FRK: variants seen among roughly 807,000 people sequenced by gnomAD.
FRK encodes tyrosine-protein kinase FRK.
FRK carries 51 observed loss-of-function variants against 56.4 expected under a neutral mutation model. The ratio of observed to expected loss-of-function variants is 0.90; its 90% CI spans 0.72 to 1.14. FRK has a LOEUF of 1.14. Among genes scored for constraint, FRK ranks in the 50% most tolerant of loss-of-function variants. The pLI is 0.00. For missense variants in FRK, 570 were observed against 601.4 expected (o/e 0.95, Z 0.55); for synonymous variants, 245 against 217.9 (o/e 1.12, Z -1.10).
At position 116,060,022 on chromosome 6, in the gene FRK, T is replaced by G. The variant is rs1185817390; in HGVS notation, c.290A>C (p.Gln97Pro). 1.2e-6 allele frequency: 2 copies of G among 1,614,046 alleles called. No homozygotes were observed. The highest frequency in any genetic ancestry group is 2.7e-5 in the African/African-American group (2 of 74,906). The change falls in exon 1 of 8, where the codon CAA becomes CCA. Residue 97 changes from glutamine (Q) to proline (P), a missense_variant. Physicochemically the swap from Gln to Pro is moderately conservative, Grantham distance 76. Transcript: ENST00000606080. ...CACGTAGTTAGAAGGAATATAGCCT[T>G]GTAGTTGCTGACTGGAGCCATCTCG... ...KRRDGSSQQL[Q>P]GYIPSNYVAE...
In FRK at chr6:115,933,322, A is replaced by G. The variant is rs924933502; in HGVS notation, c.*9092T>C. 1 of 152,230 alleles carries G rather than the reference A, an allele frequency of 6.6e-6. No homozygotes were observed. The highest frequency in any genetic ancestry group is 6.5e-5 in the Admixed American group (1 of 15,274). The allele number at this position is 152,230 out of a possible 1,614,324, so 9.4% of individuals were successfully genotyped here. ...ACAATTTATGGGAGGTAAATTTAAG[A>G]AGAGCTGGCTCATTGTAGGAAAATT... is the stretch of plus-strand genomic sequence containing the variant. On this transcript the variant is annotated 3_prime_UTR_variant, in exon 8 of 8. Transcript: ENST00000606080.
chr6:116,048,043 C>T (rs187000058), intron 1 of FRK, among the ~76,000 whole-genome samples: 1 of 152,330 alleles, frequency 6.6e-6, no homozygotes, highest in East Asian at 1.9e-4. Flanking sequence ...TGATCTTTGC[C>T]TCATTGCTCC....
chr6:115,979,602 C>T (rs1339635041), intron 2 of FRK, among the ~76,000 whole-genome samples: 1 of 152,034 alleles, frequency 6.6e-6, no homozygotes, highest in Non-Finnish European at 1.5e-5. Flanking sequence ...ACATCACAGG[C>T]CTTCACATTG....
At chr6:116,093,357 C>T in the FRK span, among the ~76,000 whole-genome samples, 3 of 152,194 alleles carry the variant, frequency 2.0e-5, no homozygotes, top group African/African-American at 7.2e-5. Context: ...TGATTTAAAG[C>T]AGATCAAGGT....
At chr6:115,984,177 T>A (rs1275288597) in intron 2 of FRK, among the ~76,000 whole-genome samples, 2 of 152,094 alleles carry the variant, frequency 1.3e-5, no homozygotes, top group East Asian at 3.9e-4. Flanking sequence ...ATTGAATTCA[T>A]TCCACATCAT....
rs1418175504 is a variant in FRK at position 115,935,765 on chromosome 6, C to T, written c.*6649G>A. ...AATTGGGTAGAGCCCACCACCTCAG[C>T]TCAGCAAGGCCACTCTGGCCAGACT... is the stretch of plus-strand genomic sequence containing the variant. On this transcript the variant is annotated 3_prime_UTR_variant, in exon 8 of 8. Coordinates refer to ENST00000606080, the MANE Select transcript of FRK (RefSeq NM_002031.3). 1 of 152,314 alleles carries T rather than the reference C, an allele frequency of 6.6e-6. No individual in the cohort carries two copies. Among genetic ancestry groups the T allele is most frequent in the Non-Finnish European group, 1.5e-5 (1 of 68,144 alleles). 9.4% of individuals were successfully genotyped at this position (152,314 alleles called of 1,614,324 possible).
intron 1 of FRK, among the ~76,000 whole-genome samples, chr6:116,032,515 A>C (rs1294719132): frequency 6.6e-6 from 1 of 152,136 alleles, no homozygotes; most frequent in Non-Finnish European, 1.5e-5. Flanking sequence ...AATAATACAG[A>C]ATTTGAAGAG....
the FRK span, among the ~76,000 whole-genome samples, chr6:116,096,289 G>A: frequency 1.3e-5 from 2 of 152,182 alleles, no homozygotes; most frequent in African/African-American, 2.4e-5. Flanking sequence ...AACAGCAGTT[G>A]GGGTGTCCTG....
At chr6:116,040,048 T>C (rs1582745614) in intron 1 of FRK, among the ~76,000 whole-genome samples, 1 of 152,082 alleles carries the variant, frequency 6.6e-6, no homozygotes, top group Admixed American at 6.5e-5. Context: ...TAGAAGTCCA[T>C]GATCTACATA....
chr6:116,004,687 A>G (rs529634355), intron 1 of FRK, among the ~76,000 whole-genome samples: 3 of 152,294 alleles, frequency 2.0e-5, no homozygotes, highest in African/African-American at 7.2e-5. Context: ...TTACCATTCC[A>G]GAAATATAAG....
At chr6:116,059,914 C>T (rs1777551803) in intron 1 of FRK, 54 bp downstream of exon 1, 3 of 1,444,268 alleles carry the variant, frequency 2.1e-6, no homozygotes, top group Non-Finnish European at 2.9e-6. Flanking sequence ...AAGGAAAACT[C>T]ATTACCCAGC....
intron 7 of FRK, 71 bp downstream of exon 7, chr6:115,942,949 C>A: frequency 6.8e-7 from 1 of 1,480,534 alleles, no homozygotes; most frequent in Non-Finnish European, 9.2e-7. Context: ...TAAGTCTGGG[C>A]AAAGCAGTTA....
At chr6:115,995,669 T>C (rs965763120) in intron 2 of FRK, among the ~76,000 whole-genome samples, 1 of 152,168 alleles carries the variant, frequency 6.6e-6, no homozygotes, top group Middle Eastern at 3.2e-3. Flanking sequence ...GAATTTTCAG[T>C]AAGATAAAAG....
rs9488831 is a variant in FRK, at chr6:116,055,846, T to C, written c.344+4122A>G. ...AATAAACAATAAACTTTAGAGATGA[T>C]TGTAGTGATCTAATTTTCTTAATAG... On this transcript the variant is annotated intron_variant, in intron 1 of 7. Transcript: ENST00000606080. Among the ~76,000 whole-genome samples, 428 of 152,266 alleles carry C rather than the reference T, an allele frequency of 2.8e-3. 3 individuals carry two copies. Among genetic ancestry groups the C allele is most frequent in the African/African-American group, 0.01 (416 of 41,550 alleles).
At chr6:115,969,722 A>C (rs1186840852) in intron 2 of FRK, among the ~76,000 whole-genome samples, 1 of 152,178 alleles carries the variant, frequency 6.6e-6, no homozygotes, top group South Asian at 2.1e-4. Flanking sequence ...AGCTATTGAC[A>C]GAATCCTGGC....
At chr6:116,064,719 C>G (rs1451608735), upstream of FRK, among the ~76,000 whole-genome samples, 1 of 152,152 alleles carries the variant, frequency 6.6e-6, no homozygotes, top group Non-Finnish European at 1.5e-5. Flanking sequence ...ATCCTTATAG[C>G]AAATTGCCAC....
At chr6:116,051,501 AAAGT>A (rs1399301244) in intron 1 of FRK, among the ~76,000 whole-genome samples, 1 of 152,194 alleles carries the variant, frequency 6.6e-6, no homozygotes, top group Non-Finnish European at 1.5e-5. Flanking sequence ...AATAAGCAAT[AAAGT>A]AAGTGATCCA....
chr6:115,935,904 A>C lies in FRK; in HGVS notation c.*6510T>G, dbSNP rs1237947192. The C allele has an allele frequency of 6.6e-6, 1 of 152,408 alleles. No homozygotes were observed. The highest frequency in any genetic ancestry group is 2.4e-5 in the African/African-American group (1 of 41,464). 9.4% of individuals were successfully genotyped at this position (152,408 alleles called of 1,614,324 possible). A position where few individuals can be genotyped will look rare whatever the true frequency, so the allele number is the denominator to read the frequency against. ...AGAGCACCTGTGGGAAGGGGTGGAT[A>C]TGGGAGCAGCTTCAGCAGACTTAAA... On this transcript the variant is annotated 3_prime_UTR_variant, in exon 8 of 8. Coordinates refer to ENST00000606080, the MANE Select transcript of FRK (RefSeq NM_002031.3).
At chr6:116,082,198 G>T in the FRK span, among the ~76,000 whole-genome samples, 1 of 152,148 alleles carries the variant, frequency 6.6e-6, no homozygotes. Flanking sequence ...GTAGCAGAGT[G>T]AGAGAAAAGA....
Sources: allele counts gnomAD v4.1 joint callset (sites outside exome capture counted in the v4.1 genomes callset), GRCh38; gene constraint gnomAD v4.1.1; transcripts MANE v1.5; gene names NCBI Gene and HGNC (gene_info 2026-07-23, HGNC 2026-07-21).